The following PRRT4 variants were observed in gnomAD, a reference collection of about 807,000 sequenced individuals.
The protein encoded by PRRT4 is proline rich transmembrane protein 4.
A neutral mutation model predicts 55.6 loss-of-function variants in PRRT4; 59 were observed. The observed-to-expected ratio is 1.06, with a 90% CI of 0.86 to 1.32. PRRT4 has a LOEUF of 1.32. PRRT4 is among the 40% of genes most tolerant of loss of function. The probability of loss-of-function intolerance (pLI) is 0.00; values close to 1 mark genes in which losing one functional copy is unlikely to be tolerated. For synonymous variants in PRRT4, 606 were observed against 601.8 expected (o/e 1.01, Z -0.10); for missense variants, 1,217 against 1,222.0 (o/e 1.00, Z 0.06).
intron 4 of PRRT4, among the ~76,000 whole-genome samples, chr7:128,357,259 CT>C (rs1797134564): frequency 6.6e-6 from 1 of 151,050 alleles, no homozygotes; most frequent in South Asian, 2.1e-4. Flanking sequence ...CTCTCTCTCT[CT>C]CTCTCTCTGC....
At chr7:128,350,809 A>G (rs1796939523), downstream of PRRT4, 5 of 1,532,374 alleles carry the variant, frequency 3.3e-6, no homozygotes, top group Non-Finnish European at 4.4e-6. Flanking sequence ...CGGGCAGGGC[A>G]GGCGCCAGAA....
At chr7:128,350,481 G>A, downstream of PRRT4, 1 of 146,048 alleles carries the variant, frequency 6.8e-6, no homozygotes, top group Non-Finnish European at 1.2e-5. Flanking sequence ...GGCAGAGGTG[G>A]GTAGGGGGGC....
At chr7:128,354,103 A>G (rs1362688616) in intron 4 of PRRT4, among the ~76,000 whole-genome samples, 1 of 152,186 alleles carries the variant, frequency 6.6e-6, no homozygotes, top group Admixed American at 6.5e-5. Flanking sequence ...CCTGGCAGGG[A>G]TGGATAGGTG....
At chr7:128,352,450 C>G (rs1797010353) in exon 5 of PRRT4, 2 of 1,538,846 alleles carry the variant, frequency 1.3e-6, no homozygotes, top group South Asian at 1.2e-5. Flanking sequence ...CGCGCCTACC[C>G]CGTACACGTG....
At chr7:128,359,982 G>A in exon 2 of PRRT4, 1 of 1,323,028 alleles carries the variant, frequency 7.6e-7, no homozygotes, top group Non-Finnish European at 9.7e-7. Flanking sequence ...AGACAGCCAT[G>A]CCTGGCCATG....
chr7:128,361,154 CAG>C (rs780799997), intron 1 of PRRT4, among the ~76,000 whole-genome samples, 150 bp downstream of exon 2: 52 of 148,486 alleles, frequency 3.5e-4, no homozygotes, highest in Non-Finnish European at 6.0e-5. Flanking sequence ...ATGTACTGTA[CAG>C]AGATGCACAC....
At chr7:128,350,761 C>G, downstream of PRRT4, 1 of 1,491,970 alleles carries the variant, frequency 6.7e-7, no homozygotes, top group Non-Finnish European at 9.0e-7. Flanking sequence ...GGTATCTGAG[C>G]CAGGGAGGAT....
exon 5 of PRRT4, chr7:128,352,611 C>A (rs1469093175): frequency 6.5e-7 from 1 of 1,542,638 alleles, no homozygotes; most frequent in Non-Finnish European, 8.7e-7. Flanking sequence ...ACTCTGGCTG[C>A]CCCGAAGGGT....
At chr7:128,359,959 C>G in exon 2 of PRRT4, 1 of 1,413,968 alleles carries the variant, frequency 7.1e-7, no homozygotes. Flanking sequence ...CGCAGCAGAA[C>G]AGTCCCAGCC....
At chr7:128,357,406 G>A (rs1797138001) in intron 4 of PRRT4, among the ~76,000 whole-genome samples, 2 of 152,128 alleles carry the variant, frequency 1.3e-5, no homozygotes, top group South Asian at 4.1e-4. Context: ...CCGCCAGCCT[G>A]CCCGGCTGCA....
At chr7:128,354,658 T>G (rs1797076877) in intron 4 of PRRT4, among the ~76,000 whole-genome samples, 4 of 151,510 alleles carry the variant, frequency 2.6e-5, no homozygotes, top group Admixed American at 2.6e-4. Flanking sequence ...ATAAGAGTTC[T>G]GAGAACAAGG....
chr7:128,360,494 AC>A (rs1487606237), intron 1 of PRRT4, among the ~76,000 whole-genome samples: 4 of 151,402 alleles, frequency 2.6e-5, no homozygotes, highest in African/African-American at 9.7e-5. Context: ...ACCTATTCCA[AC>A]CCCCACCTCC....
chr7:128,358,580 G>A lies in PRRT4; in HGVS notation c.877+101C>T, dbSNP rs1797164389. The A allele has an allele frequency of 5.1e-6, 5 of 979,774 alleles. No individual in the cohort carries two copies. In the Admixed American group the frequency reaches 8.5e-5, roughly 17 times the overall value. 60.7% of individuals were successfully genotyped at this position (979,774 alleles called of 1,614,324 possible). On this transcript the variant is annotated intron_variant, in intron 4 of 4. Transcript: ENST00000535159. This position sits in a 1 kb window ranked among gnomAD's most constrained non-coding sequence, Gnocchi z 4.4. ...TGAAGAGAATGATGATTATGATTAT[G>A]ATGACAATGAAATAAAAGGGTCCCA...
intron 4 of PRRT4, among the ~76,000 whole-genome samples, chr7:128,355,496 AAAT>A (rs1797094789): frequency 6.6e-6 from 1 of 152,124 alleles, no homozygotes; most frequent in South Asian, 2.1e-4. Flanking sequence ...GCGCCCGGCC[AAAT>A]AATACTTTTC....
chr7:128,360,340 C>A (rs138670454), intron 1 of PRRT4, among the ~76,000 whole-genome samples: 3 of 152,324 alleles, frequency 2.0e-5, no homozygotes, highest in African/African-American at 7.2e-5. Flanking sequence ...TAACTAGTAG[C>A]AAAAGGGATG....
In PRRT4 at chr7:128,351,517, A is replaced by G. The variant is rs541902137; in HGVS notation, c.2039T>C (p.Leu680Pro). ...TAGGAGGTCTGGGCCTGGCCCTGCC[A>G]GCGCGCACAGCTGCAGCAGCTCCGC... Residue 680 changes from leucine to proline, a missense_variant, in exon 5 of 5, where the codon CTG becomes CCG. Leu to Pro is a moderately conservative substitution (Grantham distance 98). Transcript: ENST00000535159. 1.9e-4 allele frequency: 287 copies of G among 1,491,788 alleles called. 1 individual carries two copies. In the African/African-American group the frequency reaches 3.8e-3, roughly 20 times the overall value. 92.4% of individuals were successfully genotyped at this position (1,491,788 alleles called of 1,614,324 possible).
At chr7:128,357,209 T>TACACAC (rs763703914) in intron 4 of PRRT4, among the ~76,000 whole-genome samples, 383 of 127,236 alleles carry the variant, frequency 3.0e-3, no homozygotes, top group Middle Eastern at 0.02. Flanking sequence ...TTGATACAAA[T>TACACAC]ACACACACAC....
rs543655631 is a variant in PRRT4, at chr7:128,356,842, C to T, written c.877+1839G>A. On this transcript the variant is annotated intron_variant, in intron 4 of 4. Transcript: ENST00000535159. ...TCAGTGGCCTGGCCCCATCCCTCTC[C>T]CCACCCCCACCTCCAGGTTCATGGA... Among the ~76,000 whole-genome samples, 13 of 152,336 alleles carry T rather than the reference C, an allele frequency of 8.5e-5. No individual in the cohort carries two copies. The South Asian group carries it at 2.7e-3, about 32-fold the overall frequency.
At chr7:128,352,458 G>A in exon 5 of PRRT4, 2 of 1,539,184 alleles carry the variant, frequency 1.3e-6, no homozygotes, top group Non-Finnish European at 1.7e-6. Context: ...CCCCGTACAC[G>A]TGGGCCTCCC....
Sources: allele counts gnomAD v4.1 joint callset (sites outside exome capture counted in the v4.1 genomes callset), GRCh38; gene constraint gnomAD v4.1.1; non-coding constraint Gnocchi (gnomAD v3.1); transcripts MANE v1.5; gene names NCBI Gene and HGNC (gene_info 2026-07-23, HGNC 2026-07-21).